CAPS2: variants seen among roughly 807,000 people sequenced by gnomAD.
CAPS2 encodes calcyphosin-2.
CAPS2 carries 98 observed loss-of-function variants against 86.5 expected under a neutral mutation model. That is an observed-to-expected ratio of 1.13 (90% CI 0.96 to 1.34). The LOEUF (loss-of-function observed/expected upper bound fraction) is 1.34. Among genes scored for constraint, CAPS2 ranks in the 40% most tolerant of loss-of-function variants. CAPS2 has a pLI of 0.00. For missense variants in CAPS2, 729 were observed against 686.8 expected (o/e 1.06, Z -0.69); for synonymous variants, 210 against 225.1 (o/e 0.93, Z 0.60).
chr12:75,361,307 G>A (rs947973479), intron 1 of CAPS2, among the ~76,000 whole-genome samples: 17 of 152,324 alleles, frequency 1.1e-4, no homozygotes, highest in Admixed American at 8.5e-4. Context: ...AATAGGTGAA[G>A]GGTGGGTATC....
At chr12:75,294,441 A>AG (rs1476843619) in intron 11 of CAPS2, among the ~76,000 whole-genome samples, 2 of 152,180 alleles carry the variant, frequency 1.3e-5, no homozygotes, top group Non-Finnish European at 1.5e-5. Context: ...GACCTAGATA[A>AG]GGCTTTCTCA....
At chr12:75,303,976 C>T (rs992385201) in intron 8 of CAPS2, among the ~76,000 whole-genome samples, 3 of 152,122 alleles carry the variant, frequency 2.0e-5, no homozygotes, top group East Asian at 1.9e-4. Context: ...AATAGCTTCA[C>T]CCCCACTAAA....
intron 1 of CAPS2, among the ~76,000 whole-genome samples, chr12:75,335,494 T>A (rs1026744305): frequency 3.3e-5 from 5 of 152,308 alleles, no homozygotes; most frequent in African/African-American, 9.6e-5. Flanking sequence ...GCATTGTAAC[T>A]TTTTCTTGTT....
At chr12:75,383,088 G>A (rs570145262) in intron 1 of CAPS2, among the ~76,000 whole-genome samples, 20 of 152,224 alleles carry the variant, frequency 1.3e-4, no homozygotes, top group African/African-American at 4.3e-4. Flanking sequence ...GATTTAATAC[G>A]TATTTCATGA....
At chr12:75,342,034 C>T (rs1192860050) in intron 1 of CAPS2, among the ~76,000 whole-genome samples, 1 of 152,118 alleles carries the variant, frequency 6.6e-6, no homozygotes, top group African/African-American at 2.4e-5. Flanking sequence ...TGAGTCACCA[C>T]GCCTGGCCAC....
downstream of CAPS2, chr12:75,277,079 A>C: frequency 1.7e-5 from 17 of 984,478 alleles, no homozygotes; most frequent in Non-Finnish European, 2.1e-5. Context: ...AACAAAATAC[A>C]CCAAAAAAAA....
chr12:75,306,127 G>C, intron 7 of CAPS2: 1 of 1,196,344 alleles, frequency 8.4e-7, no homozygotes. Flanking sequence ...ATTCGGGAAC[G>C]TGCGGAAGCT....
rs370728182 is a variant in CAPS2, at chr12:75,293,873, T to C, written c.1045-506A>G. On this transcript the variant is annotated intron_variant, in intron 11 of 16. Coordinates refer to ENST00000393284, the Ensembl canonical transcript of CAPS2. Reference sequence around the variant, plus strand: ...ATCTTATTCTAAACTTATAAAATGATTATTTTAATTTCTGAGCTGCTCAAA... The same window carrying C: ...ATCTTATTCTAAACTTATAAAATGACTATTTTAATTTCTGAGCTGCTCAAA... Among the ~76,000 whole-genome samples the C allele has an allele frequency of 2.1e-4, 32 of 152,340 alleles. No individual in the cohort carries two copies. In the East Asian group the frequency reaches 5.4e-3, roughly 26 times the overall value.
intron 15 of CAPS2, among the ~76,000 whole-genome samples, chr12:75,283,089 C>T (rs950838388): frequency 5.9e-5 from 9 of 152,094 alleles, no homozygotes; most frequent in African/African-American, 2.2e-4. Context: ...TCCCTAAAAT[C>T]AATGAAAAAG....
chr12:75,341,669 A>G (rs2042122326), intron 1 of CAPS2, among the ~76,000 whole-genome samples: 1 of 149,208 alleles, frequency 6.7e-6, no homozygotes, highest in Non-Finnish European at 1.5e-5. Context: ...GACGGTCACG[A>G]TCTCCTGATC....
chr12:75,311,700 G>GAAAAAAAAAAAAAAAAAAAAAAAAA (rs1306107054), intron 7 of CAPS2, among the ~76,000 whole-genome samples: 1 of 6,702 alleles, frequency 1.5e-4, no homozygotes, highest in Admixed American at 1.8e-3. Flanking sequence ...AGCCATGCAG[G>GAAAAAAAAAAAAAAAAAAAAAAAAA]AAAAAAAAAA....
chr12:75,363,107 A>AT, intron 1 of CAPS2: 1 of 1,540,874 alleles, frequency 6.5e-7, no homozygotes, highest in Non-Finnish European at 8.7e-7. Context: ...TACAGAGGAA[A>AT]TTTTGCAAAT....
At chr12:75,296,061 T>C (rs2138436288) in intron 11 of CAPS2, among the ~76,000 whole-genome samples, 1 of 152,314 alleles carries the variant, frequency 6.6e-6, no homozygotes, top group African/African-American at 2.4e-5. Flanking sequence ...TAGATTATAA[T>C]AATCTGGGCA....
At chr12:75,378,497 G>A (rs960592768) in intron 1 of CAPS2, among the ~76,000 whole-genome samples, 5 of 152,284 alleles carry the variant, frequency 3.3e-5, no homozygotes, top group East Asian at 3.9e-4. Flanking sequence ...GATCCTGTGG[G>A]CTAACAAGTG....
intron 1 of CAPS2, among the ~76,000 whole-genome samples, chr12:75,346,395 CT>C (rs963733264): frequency 1.2e-3 from 180 of 145,804 alleles, no homozygotes; most frequent in Middle Eastern, 3.7e-3. Flanking sequence ...AAGCAAAACT[CT>C]TTTTTTTTTT....
downstream of CAPS2, chr12:75,276,151 G>A: frequency 6.7e-7 from 1 of 1,491,862 alleles, no homozygotes. Flanking sequence ...CTCTTCTCTT[G>A]CTTGGCTTAT....
At chr12:75,287,100 A>C (rs529171344) in intron 14 of CAPS2, among the ~76,000 whole-genome samples, 260 of 150,024 alleles carry the variant, frequency 1.7e-3, no homozygotes, top group South Asian at 5.3e-3. Flanking sequence ...ATATATATAC[A>C]TATATATATA....
rs1593702304 is a variant in CAPS2 at position 75,345,480 on chromosome 12, T to C, written c.-394-22258A>G. Among the ~76,000 whole-genome samples the C allele has an allele frequency of 2.6e-5, 4 of 152,318 alleles. No homozygotes were observed. In the South Asian group the frequency reaches 8.3e-4, roughly 32 times the overall value. On this transcript the variant is annotated intron_variant, in intron 1 of 5. Transcript: ENST00000551829. ...AATATAAAGAGCTAACCTTCTTCTC[T>C]AGACTTACCCATTTGTATAAGTTGA... is the stretch of plus-strand genomic sequence containing the variant.
intron 2 of CAPS2, 102 bp from the exon 4 acceptor site, chr12:75,323,324 A>T (rs1325754018): frequency 1.1e-6 from 1 of 904,458 alleles, no homozygotes; most frequent in Non-Finnish European, 1.7e-6. Context: ...CACTGAAACC[A>T]ATAGTGCCAT....
Sources: allele counts gnomAD v4.1 joint callset (sites outside exome capture counted in the v4.1 genomes callset), GRCh38; gene constraint gnomAD v4.1.1; transcripts MANE v1.5; gene names NCBI Gene and HGNC (gene_info 2026-07-23, HGNC 2026-07-21).